Variants in CSGALNACT1 observed in about 807,000 individuals in gnomAD.
CSGALNACT1 encodes chondroitin sulfate N-acetylgalactosaminyltransferase 1, also known as beta4GalNAcT-1.
A neutral mutation model predicts 51.0 loss-of-function variants in CSGALNACT1; 52 were observed. That is an observed-to-expected ratio of 1.02 (90% CI 0.82 to 1.29). The LOEUF is 1.29. CSGALNACT1 is among the 50% of genes most tolerant of loss of function. The pLI is 0.00. For synonymous variants in CSGALNACT1, 341 were observed against 254.4 expected, an observed-to-expected ratio of 1.34 and a Z score of -3.24; for missense variants, 935 against 679.2, an observed-to-expected ratio of 1.38 and a Z score of -4.19.
At chr8:19,605,604 T>C (rs115930202), upstream of CSGALNACT1, among the ~76,000 whole-genome samples, 1 of 152,108 alleles carries the variant, frequency 6.6e-6, no homozygotes, top group Non-Finnish European at 1.5e-5. Flanking sequence ...CAGTGTCAGT[T>C]ACAGTAAGAA....
chr8:19,749,080 T>C (rs1358907703), intron 1 of CSGALNACT1, among the ~76,000 whole-genome samples: 1 of 152,138 alleles, frequency 6.6e-6, no homozygotes, highest in Admixed American at 6.5e-5. Context: ...CCTTATCCAG[T>C]TCATTCATTC....
At chr8:19,578,657 C>T (rs1020057602) in intron 3 of CSGALNACT1, among the ~76,000 whole-genome samples, 8 of 151,978 alleles carry the variant, frequency 5.3e-5, no homozygotes, top group Non-Finnish European at 1.2e-4. Flanking sequence ...CGCTACCCAC[C>T]TCCCTCTAGA....
At chr8:19,409,915 G>A (rs1198216042) in intron 8 of CSGALNACT1, among the ~76,000 whole-genome samples, 1 of 152,026 alleles carries the variant, frequency 6.6e-6, no homozygotes, top group African/African-American at 2.4e-5. Flanking sequence ...TCATCCCTTA[G>A]GTGTCTTTCA....
intron 3 of CSGALNACT1, among the ~76,000 whole-genome samples, chr8:19,519,673 C>G (rs1439476507): frequency 6.6e-6 from 1 of 152,224 alleles, no homozygotes; most frequent in Non-Finnish European, 1.5e-5. Context: ...CTCTCCATCT[C>G]AGGCTCCCCT....
chr8:19,503,676 C>A (rs1211086869), intron 4 of CSGALNACT1, among the ~76,000 whole-genome samples: 1 of 151,924 alleles, frequency 6.6e-6, no homozygotes, highest in Non-Finnish European at 1.5e-5. Context: ...TGTGATGTTG[C>A]ATTATCATGA....
chr8:19,757,544 C>T lies in CSGALNACT1; in HGVS notation c.-297+306G>A, dbSNP rs1403685739. On this transcript the variant is annotated intron_variant, in intron 1 of 1. Transcript: ENST00000517494. The surrounding 1 kb of genome is among the most constrained non-coding windows in gnomAD (Gnocchi z 4.0). ...TGTCACTCTCGGAAGGGGCCGCGCTCGGACACCAGGGGCGGTTTACGCGTG... is the reference window on the plus strand; with the variant it reads ...TGTCACTCTCGGAAGGGGCCGCGCTTGGACACCAGGGGCGGTTTACGCGTG... 6.6e-6 allele frequency among the ~76,000 whole-genome samples: 1 copy of T among 152,128 alleles called. No individual in the cohort carries two copies. The highest frequency in any genetic ancestry group is 1.5e-5 in the Non-Finnish European group (1 of 68,014).
At chr8:19,566,245 G>A (rs1483545396) in intron 3 of CSGALNACT1, among the ~76,000 whole-genome samples, 1 of 152,182 alleles carries the variant, frequency 6.6e-6, no homozygotes, top group African/African-American at 2.4e-5. Flanking sequence ...TGACACAGAA[G>A]AGGAAGGAGC....
chr8:19,676,092 A>C lies in CSGALNACT1; in HGVS notation c.-544+6381T>G, dbSNP rs552097124. On this transcript the variant is annotated intron_variant, in intron 1 of 9. Coordinates refer to the CSGALNACT1 transcript ENST00000332246. ...ATGGTGGTTGTCTGATTTAAAAAACAAAACAAAACAAAAAAAACTCCCAGA... is the reference window on the plus strand; with the variant it reads ...ATGGTGGTTGTCTGATTTAAAAAACCAAACAAAACAAAAAAAACTCCCAGA... Among the ~76,000 whole-genome samples the C allele has an allele frequency of 6.9e-3, 771 of 111,832 alleles. 33 individuals carry two copies. The highest frequency in any genetic ancestry group is 0.026 in the African/African-American group (727 of 28,324). The allele number at this position is 111,832 out of a possible 152,430, so 73.4% of individuals were successfully genotyped here. A position where few individuals can be genotyped will look rare whatever the true frequency, so the allele number is the denominator to read the frequency against.
chr8:19,469,910 T>C (rs531933530), intron 4 of CSGALNACT1, among the ~76,000 whole-genome samples: 1 of 152,254 alleles, frequency 6.6e-6, no homozygotes, highest in African/African-American at 2.4e-5. Context: ...AATATTTGCT[T>C]CACAGAAGGA....
rs114508213 is a variant in CSGALNACT1 at position 19,739,135 on chromosome 8, T to C, written c.-297+18715A>G. Reference sequence around the variant, plus strand: ...TTATCAAGTTGAAATATATATGATATTTAGGGGGTATGCTTCTATCGTGCT... The same window carrying C: ...TTATCAAGTTGAAATATATATGATACTTAGGGGGTATGCTTCTATCGTGCT... On this transcript the variant is annotated intron_variant, in intron 1 of 1. Transcript: ENST00000517494. 3.1e-3 allele frequency among the ~76,000 whole-genome samples: 468 copies of C among 151,980 alleles called. 1 individual carries two copies. Among genetic ancestry groups the C allele is most frequent in the African/African-American group, 0.011 (448 of 41,448 alleles).
intron 1 of CSGALNACT1, among the ~76,000 whole-genome samples, chr8:19,748,898 G>C (rs2064855831): frequency 6.6e-6 from 1 of 151,818 alleles, no homozygotes; most frequent in African/African-American, 2.4e-5. Flanking sequence ...CCGGGAGGCA[G>C]AGGTTGCAGT....
chr8:19,440,418 C>CA (rs2061127237), intron 5 of CSGALNACT1, among the ~76,000 whole-genome samples: 1 of 151,580 alleles, frequency 6.6e-6, no homozygotes, highest in Admixed American at 6.6e-5. Context: ...TCAATATATG[C>CA]AAATCAATAA....
chr8:19,579,915 A>G (rs1042918161), intron 3 of CSGALNACT1, among the ~76,000 whole-genome samples: 3 of 152,220 alleles, frequency 2.0e-5, no homozygotes, highest in Admixed American at 6.5e-5. Flanking sequence ...GATGAAGAAG[A>G]AGGAAGGGAA....
rs550528513 is a variant in CSGALNACT1, at chr8:19,455,427, C to T, written c.851+2999G>A. Among the ~76,000 whole-genome samples the T allele has an allele frequency of 7.4e-4, 113 of 152,306 alleles. 1 individual carries two copies. The South Asian group carries it at 0.023, about 30-fold the overall frequency. ...AAGACAACATCAAATATTTATTAAG[C>T]AGCCCTTTATATTTTCTCCCAGTAA... On this transcript the variant is annotated intron_variant, in intron 5 of 9. Transcript: ENST00000454498.
In CSGALNACT1 at chr8:19,669,379, C is replaced by T. The variant is rs149895823; in HGVS notation, c.-544+13094G>A. On this transcript the variant is annotated intron_variant, in intron 1 of 9. Transcript: ENST00000332246. ...AGGACACTATCATAAAAACTACAAA[C>T]ATTCAAAGCACATGGTTACTCTACC... 3.2e-3 allele frequency among the ~76,000 whole-genome samples: 489 copies of T among 152,324 alleles called. 5 individuals carry two copies. Among genetic ancestry groups the T allele is most frequent in the African/African-American group, 0.011 (467 of 41,586 alleles).
chr8:19,470,396 A>C (rs144383600), intron 4 of CSGALNACT1, among the ~76,000 whole-genome samples: 17 of 152,332 alleles, frequency 1.1e-4, no homozygotes, highest in Middle Eastern at 3.4e-3. Context: ...AACAACGCAG[A>C]GGTGCAGGCA....
chr8:19,526,186 G>GGGATTGGGAGGA (rs1563901319), intron 3 of CSGALNACT1, among the ~76,000 whole-genome samples: 1 of 152,116 alleles, frequency 6.6e-6, no homozygotes, highest in Non-Finnish European at 1.5e-5. Flanking sequence ...TAGGGAAAGG[G>GGGATTGGGAGGA]ACATGGGATT....
intron 1 of CSGALNACT1, among the ~76,000 whole-genome samples, chr8:19,670,113 C>T (rs1006601681): frequency 1.3e-5 from 2 of 152,312 alleles, no homozygotes; most frequent in East Asian, 1.9e-4. Context: ...GTCCCCAGAT[C>T]GCATGCAACT....
chr8:19,635,549 T>C (rs927905479), intron 1 of CSGALNACT1, among the ~76,000 whole-genome samples: 1 of 152,156 alleles, frequency 6.6e-6, no homozygotes, highest in African/African-American at 2.4e-5. Flanking sequence ...GCCTCCCCCT[T>C]GTCTGTAGTC....
Sources: gnomAD v4.1 joint callset for allele counts (sites outside exome capture counted in the v4.1 genomes callset) on GRCh38, gnomAD v4.1.1 for gene constraint, Gnocchi (gnomAD v3.1) non-coding constraint, MANE v1.5 for transcripts, NCBI Gene and HGNC (gene_info 2026-07-23, HGNC 2026-07-21) for gene names.